Variants in TGFB1I1 observed in about 807,000 individuals in gnomAD.
TGFB1I1 encodes transforming growth factor beta 1 induced transcript 1, also known as transforming growth factor beta-1-induced transcript 1 protein.
A neutral mutation model predicts 52.0 loss-of-function variants in TGFB1I1; 33 were observed. That is an observed-to-expected ratio of 0.63 (90% CI 0.48 to 0.85). TGFB1I1 has a LOEUF of 0.85. Ranked by LOEUF, TGFB1I1 falls within the 40% of genes least tolerant of loss-of-function variation. The probability of loss-of-function intolerance (pLI) is 0.00; values close to 1 mark genes in which losing one functional copy is unlikely to be tolerated. For synonymous variants in TGFB1I1, 236 were observed against 253.3 expected (o/e 0.93, Z 0.65); for missense variants, 577 against 614.9 (o/e 0.94, Z 0.65).
chr16:31,473,585 G>A (rs1376394538), intron 2 of TGFB1I1, 29 bp downstream of exon 2: 1 of 1,612,628 alleles, frequency 6.2e-7, no homozygotes, highest in Non-Finnish European at 8.5e-7. Flanking sequence ...GACTGGGGCA[G>A]CCACTAGGGC....
At position 31,474,008 on chromosome 16, in the gene TGFB1I1, C is replaced by A. The variant is rs1179233709; in HGVS notation, c.325+31C>A. ...AGGGTGACTGAGAGAGGCCTTGATGCGATAGGGGCAGGGGAGGGAAGGGTG... is the reference window on the plus strand; with the variant it reads ...AGGGTGACTGAGAGAGGCCTTGATGAGATAGGGGCAGGGGAGGGAAGGGTG... On this transcript the variant is annotated intron_variant, in intron 4 of 10. Coordinates refer to ENST00000394863, the MANE Select transcript of TGFB1I1 (RefSeq NM_001042454.3). This position sits in a 1 kb window ranked among gnomAD's most constrained non-coding sequence, Gnocchi z 4.2. 2 of 1,602,704 alleles carry A rather than the reference C, an allele frequency of 1.2e-6. No homozygotes were observed. The highest frequency in any genetic ancestry group is 1.7e-6 in the Non-Finnish European group (2 of 1,172,202).
rs776103573 is a variant in TGFB1I1, at chr16:31,476,609, A to G, written c.970+47A>G. 6.3e-6 allele frequency: 10 copies of G among 1,577,422 alleles called. No homozygotes were observed. The African/African-American group carries it at 1.3e-4, about 21-fold the overall frequency. On this transcript the variant is annotated intron_variant, in intron 9 of 10. Transcript: ENST00000394863. This position sits in a 1 kb window ranked among gnomAD's most constrained non-coding sequence, Gnocchi z 7.6. ...ATCTTAAAAGCTGCGGGTCCCCTCG[A>G]CGTCTCGCCCCAGCCCCTCCGACCT...
At chr16:31,475,775 T>C in intron 7 of TGFB1I1, 1 of 475,636 alleles carries the variant, frequency 2.1e-6, no homozygotes, top group Non-Finnish European at 3.7e-6. Flanking sequence ...CCCCTAAATG[T>C]ATTGTGGGCT....
Position 31,472,181 on chromosome 16 carries a change from G to T in TGFB1I1, c.-8G>T. On this transcript the variant is annotated 5_prime_UTR_variant, in exon 1 of 11. Transcript: ENST00000394863. ...TGTTCGCCCCGCGCCACCGGCCCGC[G>T]CCCCGCCATGGAGGACCTGGGTGAG... 1 of 1,316,044 alleles carries T rather than the reference G, an allele frequency of 7.6e-7. No individual in the cohort carries two copies. The highest frequency in any genetic ancestry group is 9.8e-7 in the Non-Finnish European group (1 of 1,018,908). 81.5% of individuals were successfully genotyped at this position (1,316,044 alleles called of 1,614,324 possible).
intron 7 of TGFB1I1, chr16:31,475,058 A>G: frequency 2.6e-6 from 1 of 381,482 alleles, no homozygotes; most frequent in Non-Finnish European, 4.9e-6. Flanking sequence ...TCCACCCAAT[A>G]TCTCTCAGGC....
chr16:31,475,428 C>T (rs963502231), intron 7 of TGFB1I1: 3 of 152,818 alleles, frequency 2.0e-5, no homozygotes, highest in Non-Finnish European at 2.9e-5. Flanking sequence ...TTCACTTCCT[C>T]CCTCTTATTT....
chr16:31,473,368 C>A (rs560663845), intron 1 of TGFB1I1, 73 bp from the exon 2 acceptor site: 2 of 1,524,726 alleles, frequency 1.3e-6, no homozygotes, highest in East Asian at 2.3e-5. Context: ...TTCTCCAGTA[C>A]TGCCCACTGG....
At position 31,474,453 on chromosome 16, in the gene TGFB1I1, C is replaced by A. The variant is rs1411222432; in HGVS notation, c.517C>A (p.His173Asn). 1 of 1,614,180 alleles carries A rather than the reference C, an allele frequency of 6.2e-7. No homozygotes were observed. Among genetic ancestry groups the A allele is most frequent in the Admixed American group, 1.7e-5 (1 of 60,030 alleles). ...ASLSDFRVQNHLPASGPTQPP... is the reference protein window; with the variant it reads ...ASLSDFRVQNNLPASGPTQPP... ...ACTCTCTGACTTCCGCGTTCAAAAC[C>A]ATGTGAGTTGGGCAGTGGGCCAGTG... is the stretch of plus-strand genomic sequence containing the variant. Residue 173 changes from histidine to asparagine, a missense_variant and splice_region_variant, in exon 6 of 11, where the codon CAT (histidine) becomes AAT (asparagine). Physicochemically the swap from His to Asn is moderately conservative, Grantham distance 68. This residue lies in a region of TGFB1I1 where 456 missense variants were observed against 461.6 expected (regional missense o/e 0.99). Transcript: ENST00000394863. The surrounding 1 kb of genome is among the most constrained non-coding windows in gnomAD (Gnocchi z 4.2).
chr16:31,476,620 C>T lies in TGFB1I1; in HGVS notation c.970+58C>T. ...TGCGGGTCCCCTCGACGTCTCGCCC[C>T]AGCCCCTCCGACCTCCGGAGTCCTC... is the stretch of plus-strand genomic sequence containing the variant. On this transcript the variant is annotated intron_variant, in intron 9 of 10. Transcript: ENST00000394863. The surrounding 1 kb of genome is among the most constrained non-coding windows in gnomAD (Gnocchi z 7.6). The T allele has an allele frequency of 1.3e-6, 2 of 1,559,782 alleles. No individual in the cohort carries two copies. Among genetic ancestry groups the T allele is most frequent in the Admixed American group, 1.9e-5 (1 of 53,446 alleles).
At position 31,474,081 on chromosome 16, in the gene TGFB1I1, A is replaced by G; in HGVS notation, c.326-71A>G. On this transcript the variant is annotated intron_variant, in intron 4 of 10. Transcript: ENST00000394863. The surrounding 1 kb of genome is among the most constrained non-coding windows in gnomAD (Gnocchi z 4.2). ...ACTTCCCAGAGTAGCAGTTAAAGGG[A>G]CCTAAAGCCTCAAGTGTGAGGGTGC... The G allele has an allele frequency of 5.6e-6, 9 of 1,610,896 alleles. No individual in the cohort carries two copies. The highest frequency in any genetic ancestry group is 5.5e-5 in the South Asian group (5 of 90,914).
At chr16:31,473,192 T>G in intron 1 of TGFB1I1, 1 of 1,308,616 alleles carries the variant, frequency 7.6e-7, no homozygotes, top group Non-Finnish European at 9.7e-7. Context: ...TTTGACTGCA[T>G]CAGAGAAGAT....
In TGFB1I1 at chr16:31,474,779, G is replaced by A; in HGVS notation, c.714+22G>A. ...GCAAGTAAGTGGAGCCTTGTGAGAA[G>A]GGAGGCAGAGACCTGTCACAGACCC... On this transcript the variant is annotated intron_variant, in intron 7 of 10. Transcript: ENST00000394863. This position sits in a 1 kb window ranked among gnomAD's most constrained non-coding sequence, Gnocchi z 4.2. The A allele has an allele frequency of 3.8e-6, 6 of 1,587,738 alleles. No individual in the cohort carries two copies. The highest frequency in any genetic ancestry group is 5.1e-6 in the Non-Finnish European group (6 of 1,167,092).
In TGFB1I1 at chr16:31,476,955, A is replaced by C. The variant is rs1334420938; in HGVS notation, c.1064A>C (p.Asp355Ala). The change falls in exon 10 of 11, where the codon GAT becomes GCT. Residue 355 changes from aspartate to alanine, a missense_variant. By Grantham distance (126) the Asp-to-Ala change is moderately radical. This residue lies in a region of TGFB1I1 where 456 missense variants were observed against 461.6 expected (regional missense o/e 0.99). Coordinates refer to ENST00000394863, the MANE Select transcript of TGFB1I1 (RefSeq NM_001042454.3). This position sits in a 1 kb window ranked among gnomAD's most constrained non-coding sequence, Gnocchi z 7.6. ...RCQGCQGPIL[D>A]NYISALSALW... ...CAGGGCTGCCAGGGCCCCATCCTGG[A>C]TAACTACATCTCGGCGCTCAGCGCG... 6.2e-7 allele frequency: 1 copy of C among 1,603,150 alleles called. No homozygotes were observed. The highest frequency in any genetic ancestry group is 1.1e-5 in the South Asian group (1 of 90,260).
At chr16:31,474,000 C>G (rs1242917366) in intron 4 of TGFB1I1, 23 bp downstream of exon 4, 7 of 1,613,546 alleles carry the variant, frequency 4.3e-6, no homozygotes, top group Non-Finnish European at 5.9e-6. Context: ...CTGAGAGAGG[C>G]CTTGATGCGA....
At position 31,473,911 on chromosome 16, in the gene TGFB1I1, G is replaced by A. The variant is rs1385750457; in HGVS notation, c.259G>A (p.Gly87Ser). The change falls in exon 4 of 11, where the codon GGT (glycine) becomes AGT (serine). Residue 87 changes from glycine (G) to serine (S), a missense_variant. Transcript: ENST00000394863. ...ATTCTCCTCTTCCAGCGGTGTCTTG[G>A]GTACCGGGCTCTGTGAGCTAGATCG... ...PPFSSSSGVL[G>S]TGLCELDRLL... 1 of 1,614,118 alleles carries A rather than the reference G, an allele frequency of 6.2e-7. No individual in the cohort carries two copies. Among genetic ancestry groups the A allele is most frequent in the Admixed American group, 1.7e-5 (1 of 60,016 alleles).
rs754908610 is a variant in TGFB1I1, at chr16:31,477,019, T to TGCGGG, written c.1119+18_1119+22dup. On this transcript the variant is annotated intron_variant, in intron 10 of 10. Coordinates refer to ENST00000394863, the MANE Select transcript of TGFB1I1 (RefSeq NM_001042454.3). The surrounding 1 kb of genome is among the most constrained non-coding windows in gnomAD (Gnocchi z 4.7). ...ACTGTTTCGTCTGCAGGGTGCGAGC[T>TGCGGG]GCGGGGCGGGGCGTTGGAGGGGCGG... 8.0e-5 allele frequency: 119 copies of TGCGGG among 1,483,160 alleles called. 1 individual carries two copies. In the South Asian group the frequency reaches 1.4e-3, roughly 17 times the overall value. The allele number at this position is 1,483,160 out of a possible 1,614,324, so 91.9% of individuals were successfully genotyped here.
Position 31,474,205 on chromosome 16 carries a change from G to C in TGFB1I1, c.379G>C (p.Glu127Gln). ...SSKVASGEQK[E>Q]DQSEDKKRPS... ...CAAGGTGGCTTCAGGAGAGCAGAAG[G>C]AGGACCAGTCTGAAGATAAGAAAAG... The change falls in exon 5 of 11, where the codon GAG becomes CAG. Residue 127 changes from glutamate to glutamine, a missense_variant. Glu to Gln is a conservative substitution (Grantham distance 29, BLOSUM62 2). This residue lies in a region of TGFB1I1 where 456 missense variants were observed against 461.6 expected (regional missense o/e 0.99). Transcript: ENST00000394863. This position sits in a 1 kb window ranked among gnomAD's most constrained non-coding sequence, Gnocchi z 4.2. The C allele has an allele frequency of 6.2e-7, 1 of 1,614,152 alleles. No individual in the cohort carries two copies. The highest frequency in any genetic ancestry group is 8.5e-7 in the Non-Finnish European group (1 of 1,180,036).
Position 31,474,046 on chromosome 16 carries a change from A to G in TGFB1I1, c.325+69A>G. ...GGAGGGAAGGGTGGGGCAGAGACTAAGAGGAATACACTTCCCAGAGTAGCA... is the reference window on the plus strand; with the variant it reads ...GGAGGGAAGGGTGGGGCAGAGACTAGGAGGAATACACTTCCCAGAGTAGCA... On this transcript the variant is annotated intron_variant, in intron 4 of 10. Transcript: ENST00000394863. This position sits in a 1 kb window ranked among gnomAD's most constrained non-coding sequence, Gnocchi z 4.2. 6.2e-7 allele frequency: 1 copy of G among 1,611,088 alleles called. No individual in the cohort carries two copies. The highest frequency in any genetic ancestry group is 8.5e-7 in the Non-Finnish European group (1 of 1,177,862).
Position 31,477,939 on chromosome 16 carries a change from A to C in TGFB1I1, c.*363A>C. On this transcript the variant is annotated 3_prime_UTR_variant, in exon 11 of 11. Transcript: ENST00000394863. This position sits in a 1 kb window ranked among gnomAD's most constrained non-coding sequence, Gnocchi z 4.7. ...TTCTGTGCACTTTTTCTACCTACATAAACACACGCATTCCACCTCTCCCTG... is the reference window on the plus strand; with the variant it reads ...TTCTGTGCACTTTTTCTACCTACATCAACACACGCATTCCACCTCTCCCTG... 1 of 264,654 alleles carries C rather than the reference A, an allele frequency of 3.8e-6. No homozygotes were observed. Among genetic ancestry groups the C allele is most frequent in the Non-Finnish European group, 7.2e-6 (1 of 139,562 alleles). The allele number at this position is 264,654 out of a possible 1,614,324, so 16.4% of individuals were successfully genotyped here. A position where few individuals can be genotyped will look rare whatever the true frequency, so the allele number is the denominator to read the frequency against.
Sources: allele counts gnomAD v4.1 joint callset, GRCh38; gene constraint gnomAD v4.1.1; regional missense constraint gnomAD v4.1.1; non-coding constraint Gnocchi (gnomAD v3.1); transcripts MANE v1.5; gene names NCBI Gene and HGNC (gene_info 2026-07-23, HGNC 2026-07-21).